LINGO2: variants seen among roughly 807,000 people sequenced by gnomAD.
LINGO2 encodes leucine rich repeat and Ig domain containing 2.
Under a neutral mutation model 30.6 loss-of-function variants are expected in LINGO2, and 14 were observed. The ratio of observed to expected loss-of-function variants is 0.46; its 90% CI spans 0.30 to 0.72. The LOEUF is 0.72. Among genes scored for constraint, LINGO2 ranks in the 30% least tolerant of loss-of-function variants. LINGO2 has a pLI of 0.07. For missense variants in LINGO2, 729 were observed against 751.7 expected (o/e 0.97, Z 0.35); for synonymous variants, 317 against 288.5 (o/e 1.10, Z -1.00).
the LINGO2 span, among the ~76,000 whole-genome samples, chr9:29,054,830 A>T: frequency 6.6e-6 from 1 of 152,190 alleles, no homozygotes; most frequent in Non-Finnish European, 1.5e-5. Context: ...ATAAGCAGAG[A>T]TAATGAAAAT....
chr9:28,433,923 T>TTCTCTCTCTCTC lies in LINGO2; in HGVS notation c.-279+42005_-279+42016dup, dbSNP rs146254758. On this transcript the variant is annotated intron_variant, in intron 2 of 5. Coordinates refer to ENST00000379992, the Ensembl canonical transcript of LINGO2. ...TGGATAAAGAAAATGTGCTCTCTCT[T>TTCTCTCTCTCTC]TCTCTCTCTCTCTCTCTCTCTCTCT... Among the ~76,000 whole-genome samples, 26 of 109,922 alleles carry TTCTCTCTCTCTC rather than the reference T, an allele frequency of 2.4e-4. 2 individuals carry two copies. The highest frequency in any genetic ancestry group is 5.2e-4 in the Admixed American group (5 of 9,670). 72.1% of individuals were successfully genotyped at this position (109,922 alleles called of 152,430 possible).
At chr9:29,140,021 C>A in the LINGO2 span, among the ~76,000 whole-genome samples, 1 of 152,078 alleles carries the variant, frequency 6.6e-6, no homozygotes, top group Non-Finnish European at 1.5e-5. Flanking sequence ...AAAATCTAGA[C>A]AACATGCATC....
chr9:29,165,845 T>G, the LINGO2 span, among the ~76,000 whole-genome samples: 4 of 152,144 alleles, frequency 2.6e-5, no homozygotes, highest in Non-Finnish European at 4.4e-5. Context: ...TCCTTTCTGT[T>G]GGATCTTTGA....
intron 1 of LINGO2, among the ~76,000 whole-genome samples, chr9:28,490,694 C>G (rs1208516095): frequency 2.0e-5 from 3 of 152,100 alleles, no homozygotes; most frequent in Non-Finnish European, 2.9e-5. Context: ...TCTTAAATAT[C>G]AACATTTTAA....
intron 3 of LINGO2, among the ~76,000 whole-genome samples, chr9:28,300,366 G>A (rs1824094639): frequency 6.6e-6 from 1 of 152,084 alleles, no homozygotes; most frequent in Admixed American, 6.6e-5. Flanking sequence ...CAAGATCTAA[G>A]GTAACGCTAT....
At chr9:28,325,586 A>G (rs1290605015) in intron 3 of LINGO2, among the ~76,000 whole-genome samples, 3 of 152,116 alleles carry the variant, frequency 2.0e-5, no homozygotes, top group African/African-American at 7.2e-5. Flanking sequence ...AATAAGTCTC[A>G]CAGGACCTGA....
the LINGO2 span, among the ~76,000 whole-genome samples, chr9:28,889,750 T>C: frequency 6.6e-6 from 1 of 152,122 alleles, no homozygotes; most frequent in African/African-American, 2.4e-5. Context: ...TCAGCTTTAA[T>C]GTCTCCATTA....
intron 5 of LINGO2, among the ~76,000 whole-genome samples, chr9:28,006,721 A>G (rs575110649): frequency 6.0e-4 from 91 of 152,282 alleles, no homozygotes; most frequent in African/African-American, 2.2e-3. Flanking sequence ...ACTTCTCACT[A>G]CATGTTCTTT....
the LINGO2 span, among the ~76,000 whole-genome samples, chr9:28,867,085 A>T: frequency 2.0e-5 from 3 of 152,152 alleles, no homozygotes; most frequent in African/African-American, 7.2e-5. Flanking sequence ...GACAGGAAGT[A>T]AAACAGCTGC....
At chr9:28,930,471 A>G in the LINGO2 span, among the ~76,000 whole-genome samples, 1 of 152,320 alleles carries the variant, frequency 6.6e-6, no homozygotes, top group South Asian at 2.1e-4. This position sits in a 1 kb window ranked among gnomAD's most constrained non-coding sequence, Gnocchi z 4.2. Flanking sequence ...ATTATTTCCA[A>G]GCAATCAAAA....
At chr9:28,304,698 A>G (rs1824277180) in intron 3 of LINGO2, among the ~76,000 whole-genome samples, 1 of 152,040 alleles carries the variant, frequency 6.6e-6, no homozygotes, top group Non-Finnish European at 1.5e-5. Flanking sequence ...TTGGAAGTTT[A>G]CTTTTAGGTA....
At chr9:28,743,014 T>A in the LINGO2 span, among the ~76,000 whole-genome samples, 1 of 152,066 alleles carries the variant, frequency 6.6e-6, no homozygotes, top group South Asian at 2.1e-4. Context: ...CTATATGATA[T>A]ATTTCTTTTT....
the LINGO2 span, among the ~76,000 whole-genome samples, chr9:28,869,543 T>G: frequency 6.6e-6 from 1 of 151,930 alleles, no homozygotes; most frequent in Non-Finnish European, 1.5e-5. Context: ...TGTTAAATTA[T>G]GTATGACAGA....
At chr9:28,900,085 C>T in the LINGO2 span, among the ~76,000 whole-genome samples, 451 of 152,234 alleles carry the variant, frequency 3.0e-3, 5 homozygotes, top group African/African-American at 9.0e-3. Flanking sequence ...CTGGTCCTCA[C>T]GGCCCTAGGC....
At chr9:28,090,069 T>G (rs1423104451) in intron 4 of LINGO2, among the ~76,000 whole-genome samples, 5 of 152,008 alleles carry the variant, frequency 3.3e-5, no homozygotes, top group Non-Finnish European at 5.9e-5. Context: ...AGGCAATAAT[T>G]AATAGCTTAC....
intron 2 of LINGO2, among the ~76,000 whole-genome samples, chr9:28,408,919 GA>G (rs1291701887): frequency 2.0e-5 from 3 of 151,980 alleles, no homozygotes; most frequent in Admixed American, 2.0e-4. Flanking sequence ...AGTGGTTTAT[GA>G]ACTTCTAGCA....
At chr9:28,762,795 T>A in the LINGO2 span, among the ~76,000 whole-genome samples, 3 of 152,008 alleles carry the variant, frequency 2.0e-5, no homozygotes, top group Admixed American at 6.6e-5. Flanking sequence ...GTCACCTTCC[T>A]TGCCCCAATA....
the LINGO2 span, among the ~76,000 whole-genome samples, chr9:28,689,512 A>G: frequency 6.6e-6 from 1 of 152,136 alleles, no homozygotes; most frequent in Non-Finnish European, 1.5e-5. Flanking sequence ...ATGAGATACC[A>G]TCTCACACCA....
intron 2 of LINGO2, among the ~76,000 whole-genome samples, chr9:28,467,279 G>A (rs1009858582): frequency 6.6e-5 from 10 of 151,908 alleles, no homozygotes; most frequent in South Asian, 6.2e-4. Flanking sequence ...TGCCCTCCTC[G>A]GCCTCCCAAA....
Sources: gnomAD v4.1 joint callset for allele counts (sites outside exome capture counted in the v4.1 genomes callset) on GRCh38, gnomAD v4.1.1 for gene constraint, Gnocchi (gnomAD v3.1) non-coding constraint, MANE v1.5 for transcripts, NCBI Gene and HGNC (gene_info 2026-07-23, HGNC 2026-07-21) for gene names.